Variants in PEX3 observed in about 807,000 individuals in gnomAD.
PEX3 encodes the protein peroxin-3.
PEX3 carries 30 observed loss-of-function variants against 55.8 expected under a neutral mutation model. The observed-to-expected ratio is 0.54, with a 90% CI of 0.40 to 0.73. The LOEUF is 0.73. PEX3 is among the 30% of genes least tolerant of loss of function. PEX3 has a pLI of 0.00. For missense variants in PEX3, 351 were observed against 432.8 expected (o/e 0.81, Z 1.68); for synonymous variants, 135 against 148.4 (o/e 0.91, Z 0.66).
At chr6:143,477,128 G>A (rs1166844154) in intron 9 of PEX3, among the ~76,000 whole-genome samples, 2 of 152,150 alleles carry the variant, frequency 1.3e-5, no homozygotes, top group Non-Finnish European at 2.9e-5. Flanking sequence ...AAGTTTCAGA[G>A]GAGCAGTGGA....
chr6:143,484,950 TGTGTAAA>T (rs1392583805), intron 10 of PEX3, 195 bp from the exon 11 acceptor site: 3 of 548,636 alleles, frequency 5.5e-6, no homozygotes, highest in Non-Finnish European at 6.5e-6. Context: ...AACAAAGATA[TGTGTAAA>T]AAAACGCCAA....
rs763496503 is a variant in PEX3 at position 143,462,947 on chromosome 6, C to G, written c.237C>G (p.Ala79=). ...CCATGCTTCCAACACTGAGAGAGGC[C>G]TTAATGCAGCAACTGAATTCCGAGA... is the stretch of plus-strand genomic sequence containing the variant. ...VLSMLPTLRE[A]LMQQLNSESL... Residue 79 remains alanine, a synonymous_variant, in exon 3 of 12, where the codon GCC becomes GCG. Coordinates refer to ENST00000367591, the MANE Select transcript of PEX3 (RefSeq NM_003630.3). This position sits in a 1 kb window ranked among gnomAD's most constrained non-coding sequence, Gnocchi z 4.1. The G allele has an allele frequency of 6.2e-7, 1 of 1,613,730 alleles. No individual in the cohort carries two copies. The highest frequency in any genetic ancestry group is 1.7e-5 in the Admixed American group (1 of 59,982).
Position 143,463,470 on chromosome 6 carries a change from C to CTATTACAATGTAAATG in PEX3, c.287+475_287+476insTTACAATGTAAATGTA, listed in dbSNP as rs1300936955. On this transcript the variant is annotated intron_variant, in intron 3 of 11. Coordinates refer to ENST00000367591, the MANE Select transcript of PEX3 (RefSeq NM_003630.3). This position sits in a 1 kb window ranked among gnomAD's most constrained non-coding sequence, Gnocchi z 5.7. ...ACAAACATAACATGAGCATGCAATA[C>CTATTACAATGTAAATG]TAATAATTTACATTGCCATGGCAGT... Among the ~76,000 whole-genome samples the CTATTACAATGTAAATG allele has an allele frequency of 2.6e-5, 4 of 152,158 alleles. No individual in the cohort carries two copies. The highest frequency in any genetic ancestry group is 5.9e-5 in the Non-Finnish European group (4 of 68,002).
chr6:143,478,011 G>C (rs956066766), intron 9 of PEX3, among the ~76,000 whole-genome samples: 13 of 152,038 alleles, frequency 8.6e-5, no homozygotes, highest in African/African-American at 2.7e-4. Flanking sequence ...TAGCCAAAAA[G>C]TGGAAACAGT....
chr6:143,462,814 C>A lies in PEX3; in HGVS notation c.206-102C>A. ...CCCTGACTTTCCCTTCTGACTCTTG[C>A]TAGTTGCTAGCCCTATCATATAGCC... On this transcript the variant is annotated intron_variant, in intron 2 of 11. Transcript: ENST00000367591. The surrounding 1 kb of genome is among the most constrained non-coding windows in gnomAD (Gnocchi z 4.1). 1 of 821,060 alleles carries A rather than the reference C, an allele frequency of 1.2e-6. No homozygotes were observed. Among genetic ancestry groups the A allele is most frequent in the Non-Finnish European group, 2.1e-6 (1 of 465,304 alleles). The allele number at this position is 821,060 out of a possible 1,614,324, so 50.9% of individuals were successfully genotyped here. A position where few individuals can be genotyped will look rare whatever the true frequency, so the allele number is the denominator to read the frequency against.
In PEX3 at chr6:143,471,539, T is replaced by C. The variant is rs763058857; in HGVS notation, c.524-18T>C. ...TTTAAACTAAGCAAGGCTTTTAGGTTTGTTTTTTCTTTAATAGGCCTGACA... is the reference window on the plus strand; with the variant it reads ...TTTAAACTAAGCAAGGCTTTTAGGTCTGTTTTTTCTTTAATAGGCCTGACA... On this transcript the variant is annotated intron_variant, in intron 6 of 11. Transcript: ENST00000367591. This position sits in a 1 kb window ranked among gnomAD's most constrained non-coding sequence, Gnocchi z 5.4. The C allele has an allele frequency of 6.2e-7, 1 of 1,605,158 alleles. No individual in the cohort carries two copies. The highest frequency in any genetic ancestry group is 8.5e-7 in the Non-Finnish European group (1 of 1,172,328).
In PEX3 at chr6:143,474,874, A is replaced by G. The variant is rs1271151724; in HGVS notation, c.818+18A>G. 6 of 1,365,912 alleles carry G rather than the reference A, an allele frequency of 4.4e-6. No homozygotes were observed. The Admixed American group carries it at 6.7e-5, about 15-fold the overall frequency. 84.6% of individuals were successfully genotyped at this position (1,365,912 alleles called of 1,614,324 possible). A position where few individuals can be genotyped will look rare whatever the true frequency, so the allele number is the denominator to read the frequency against. On this transcript the variant is annotated intron_variant, in intron 9 of 11. Coordinates refer to ENST00000367591, the MANE Select transcript of PEX3 (RefSeq NM_003630.3). Reference sequence around the variant, plus strand: ...TTGGAAAGGTATGTATACTTCATGTAGCAGGAAAAATATGTGTGTATGTTG... The same window carrying G: ...TTGGAAAGGTATGTATACTTCATGTGGCAGGAAAAATATGTGTGTATGTTG...
In PEX3 at chr6:143,472,341, T is replaced by TA. The variant is rs1780086139; in HGVS notation, c.747+15dup. 1.3e-6 allele frequency: 2 copies of TA among 1,569,568 alleles called. No homozygotes were observed. The highest frequency in any genetic ancestry group is 1.8e-6 in the Non-Finnish European group (2 of 1,141,246). ...ATTAGCAGTGCAGGTGCTTAATTCA[T>TA]AACCATTTAACCAAACCAGTTACTC... On this transcript the variant is annotated intron_variant, in intron 8 of 11. Transcript: ENST00000367591.
At chr6:143,474,148 AAAATT>A (rs1780115482) in intron 8 of PEX3, among the ~76,000 whole-genome samples, 2 of 151,892 alleles carry the variant, frequency 1.3e-5, no homozygotes, top group South Asian at 4.2e-4. Context: ...TAATAATAGT[AAAATT>A]AAATTAAAAA....
Position 143,459,634 on chromosome 6 carries a change from TG to T in PEX3, c.205+419del, listed in dbSNP as rs2128745566. ...AGTCAGGTTTCTTTGAGGTAACATT[TG>T]AGCAGAAACCAAATGTTACAATGGA... On this transcript the variant is annotated intron_variant, in intron 2 of 11. Coordinates refer to ENST00000367591, the MANE Select transcript of PEX3 (RefSeq NM_003630.3). This position sits in a 1 kb window ranked among gnomAD's most constrained non-coding sequence, Gnocchi z 4.2. Among the ~76,000 whole-genome samples, 1 of 152,284 alleles carries T rather than the reference TG, an allele frequency of 6.6e-6. No homozygotes were observed. Among genetic ancestry groups the T allele is most frequent in the South Asian group, 2.1e-4 (1 of 4,820 alleles).
In PEX3 at chr6:143,459,101, G is replaced by A. The variant is rs1034821490; in HGVS notation, c.90G>A (p.Gly30=). 5 of 1,594,190 alleles carry A rather than the reference G, an allele frequency of 3.1e-6. No homozygotes were observed. Among genetic ancestry groups the A allele is most frequent in the Non-Finnish European group, 4.3e-6 (5 of 1,161,958 alleles). Residue 30 remains glycine, a synonymous_variant, in exon 2 of 12, where the codon GGG becomes GGA. Transcript: ENST00000367591. The surrounding 1 kb of genome is among the most constrained non-coding windows in gnomAD (Gnocchi z 4.2). The part of the protein sequence containing the change: ...GTVLGGVYIL[G]KYGQKKIREI... ...TGATTGTAGGAGTATATATTCTGGGGAAATATGGACAGAAGAAAATCAGAG... is the reference window on the plus strand; with the variant it reads ...TGATTGTAGGAGTATATATTCTGGGAAAATATGGACAGAAGAAAATCAGAG...
In PEX3 at chr6:143,471,638, G is replaced by T; in HGVS notation, c.578+27G>T. On this transcript the variant is annotated intron_variant, in intron 7 of 11. Transcript: ENST00000367591. This position sits in a 1 kb window ranked among gnomAD's most constrained non-coding sequence, Gnocchi z 5.4. ...TAAGGCATTTTTCTTTGACTTTTCT[G>T]ACTTCTTGATTCTAATGAGTGAAAG... 1 of 1,548,042 alleles carries T rather than the reference G, an allele frequency of 6.5e-7. No homozygotes were observed. The highest frequency in any genetic ancestry group is 1.1e-5 in the South Asian group (1 of 89,670).
At position 143,489,157 on chromosome 6, in the gene PEX3, G is replaced by A. The variant is rs1443228205; in HGVS notation, c.1053G>A (p.Met351Ile). Residue 351 changes from methionine (M) to isoleucine (I), a missense_variant, in exon 12 of 12, where the codon ATG becomes ATA. Transcript: ENST00000367591. The surrounding 1 kb of genome is among the most constrained non-coding windows in gnomAD (Gnocchi z 5.5). ...PSHFVQDLLT[M>I]EQVKDFAANV... is the part of the protein sequence containing the mutation. ...ATCTTTGCTAGGATCTGTTGACAAT[G>A]GAGCAAGTGAAAGACTTTGCTGCTA... 2 of 1,604,298 alleles carry A rather than the reference G, an allele frequency of 1.2e-6. No homozygotes were observed. The highest frequency in any genetic ancestry group is 3.3e-5 in the Admixed American group (2 of 59,976).
At chr6:143,481,005 C>T (rs1314878390) in intron 10 of PEX3, among the ~76,000 whole-genome samples, 2 of 151,482 alleles carry the variant, frequency 1.3e-5, no homozygotes, top group Non-Finnish European at 2.9e-5. Flanking sequence ...GAGTGAGACC[C>T]CCCTGCCCCC....
chr6:143,484,713 T>C (rs1158381082), intron 10 of PEX3, among the ~76,000 whole-genome samples: 6 of 152,232 alleles, frequency 3.9e-5, no homozygotes, highest in Admixed American at 2.0e-4. Flanking sequence ...TTCATGTTTA[T>C]ACAAAATCTT....
rs556167143 is a variant in PEX3, at chr6:143,459,868, G to A, written c.205+652G>A. Among the ~76,000 whole-genome samples the A allele has an allele frequency of 3.7e-4, 57 of 152,254 alleles. 1 individual carries two copies. The highest frequency in any genetic ancestry group is 1.3e-3 in the East Asian group (7 of 5,186). ...GTAGGCAACTATAGACCTGTGAGTC[G>A]TCCACAATAGTATACACTCAGGCAA... On this transcript the variant is annotated intron_variant, in intron 2 of 11. Transcript: ENST00000367591. This position sits in a 1 kb window ranked among gnomAD's most constrained non-coding sequence, Gnocchi z 4.2.
At chr6:143,474,671 G>A (rs1386253238) in intron 8 of PEX3, 115 bp from the exon 9 acceptor site, 1 of 713,386 alleles carries the variant, frequency 1.4e-6, no homozygotes, top group African/African-American at 1.8e-5. Context: ...TTTTTTTATT[G>A]TTGATAGAAC....
chr6:143,451,091 A>T lies in PEX3; in HGVS notation c.49A>T (p.Ile17Phe). 6.2e-7 allele frequency: 1 copy of T among 1,613,462 alleles called. No homozygotes were observed. Among genetic ancestry groups the T allele is most frequent in the East Asian group, 2.2e-5 (1 of 44,862 alleles). The stretch of plus-strand genomic sequence containing the variant: ...TCTGAAACGCCACAAAAAGAAATGC[A>T]TCTTCCTGGGCACGGTCCTTGGAGG... ...NFLKRHKKKCIFLGTVLGGVY... is the reference protein window; with the variant it reads ...NFLKRHKKKCFFLGTVLGGVY... The change falls in exon 1 of 12, where the codon ATC becomes TTC. Residue 17 changes from isoleucine to phenylalanine, a missense_variant. Ile to Phe is a conservative substitution (Grantham distance 21, BLOSUM62 0). Transcript: ENST00000367591. This position sits in a 1 kb window ranked among gnomAD's most constrained non-coding sequence, Gnocchi z 4.1.
intron 9 of PEX3, 122 bp downstream of exon 9, chr6:143,474,978 T>C: frequency 1.7e-6 from 1 of 576,666 alleles, no homozygotes; most frequent in Non-Finnish European, 3.0e-6. Flanking sequence ...AATTTTTGAC[T>C]CTGTTCCCCA....
Sources: gnomAD v4.1 joint callset for allele counts (sites outside exome capture counted in the v4.1 genomes callset) on GRCh38, gnomAD v4.1.1 for gene constraint, Gnocchi (gnomAD v3.1) non-coding constraint, MANE v1.5 for transcripts, NCBI Gene and HGNC (gene_info 2026-07-23, HGNC 2026-07-21) for gene names.